NCOA2: variants seen among roughly 807,000 people sequenced by gnomAD.
The protein encoded by NCOA2 is nuclear receptor coactivator 2, also known as class E basic helix-loop-helix protein 75.
A neutral mutation model predicts 145.1 loss-of-function variants in NCOA2; 21 were observed. That is an observed-to-expected ratio of 0.14 (90% CI 0.10 to 0.21). The LOEUF is 0.21. Among genes scored for constraint, NCOA2 ranks in the 10% least tolerant of loss-of-function variants. The pLI is 1.00. For synonymous variants in NCOA2, 619 were observed against 637.5 expected, an observed-to-expected ratio of 0.97 and a Z score of 0.44; for missense variants, 1,472 against 1,837.6, an observed-to-expected ratio of 0.80 and a Z score of 3.64.
At chr8:70,218,502 C>T (rs1819859703) in intron 2 of NCOA2, among the ~76,000 whole-genome samples, 1 of 152,160 alleles carries the variant, frequency 6.6e-6, no homozygotes, top group African/African-American at 2.4e-5. Context: ...CATGTCCAAG[C>T]TTCACCACTT....
intron 2 of NCOA2, among the ~76,000 whole-genome samples, chr8:70,291,749 TTTTG>T (rs1452485598): frequency 5.9e-5 from 9 of 152,194 alleles, no homozygotes; most frequent in Admixed American, 5.9e-4. Flanking sequence ...AATGATAGCA[TTTTG>T]TTGTTGTTGC....
chr8:70,133,327 T>C (rs1809376326), intron 15 of NCOA2, among the ~76,000 whole-genome samples: 1 of 151,602 alleles, frequency 6.6e-6, no homozygotes, highest in Non-Finnish European at 1.5e-5. Flanking sequence ...AAGGAATCCT[T>C]CTACCTCAGC....
chr8:70,321,310 T>C (rs1324834725), intron 1 of NCOA2, among the ~76,000 whole-genome samples: 1 of 151,904 alleles, frequency 6.6e-6, no homozygotes, highest in Non-Finnish European at 1.5e-5. Flanking sequence ...ATTATATTCA[T>C]AAAATATAAC....
intron 1 of NCOA2, among the ~76,000 whole-genome samples, chr8:70,351,787 G>A (rs1292102581): frequency 2.2e-5 from 3 of 139,478 alleles, no homozygotes; most frequent in Admixed American, 7.4e-5. Context: ...TAGAGATAAA[G>A]TCTCACTATT....
the NCOA2 span, among the ~76,000 whole-genome samples, chr8:70,414,846 A>C: frequency 6.6e-6 from 1 of 152,226 alleles, no homozygotes; most frequent in Non-Finnish European, 1.5e-5. Flanking sequence ...GACACAACTA[A>C]TAGCCATTCA....
At chr8:70,231,062 C>T (rs546828335) in intron 2 of NCOA2, among the ~76,000 whole-genome samples, 9 of 152,086 alleles carry the variant, frequency 5.9e-5, no homozygotes, top group African/African-American at 2.2e-4. Flanking sequence ...TGATTATATA[C>T]CTACAATAGT....
intron 2 of NCOA2, among the ~76,000 whole-genome samples, chr8:70,234,221 A>G (rs1304191877): frequency 2.6e-5 from 4 of 152,196 alleles, no homozygotes; most frequent in Non-Finnish European, 5.9e-5. Context: ...CAAATATTCC[A>G]TTGTATAGCT....
intron 1 of NCOA2, among the ~76,000 whole-genome samples, chr8:70,356,792 CA>C (rs1809738043): frequency 6.6e-6 from 1 of 152,156 alleles, no homozygotes; most frequent in Admixed American, 6.5e-5. Flanking sequence ...GCTTTTACCT[CA>C]AAAGGTATTT....
In NCOA2 at chr8:70,229,341, C is replaced by A. The variant is rs933979507; in HGVS notation, c.-19-12577G>T. On this transcript the variant is annotated intron_variant, in intron 2 of 22. Transcript: ENST00000452400. ...GTATGGAATTAATTAACATACAAGA[C>A]AATATACATAAAAAATACAAAGTGC... 2.0e-5 allele frequency among the ~76,000 whole-genome samples: 3 copies of A among 152,250 alleles called. No homozygotes were observed. The East Asian group carries it at 5.8e-4, about 29-fold the overall frequency.
chr8:70,292,955 C>T (rs930782705), intron 2 of NCOA2, among the ~76,000 whole-genome samples: 1 of 152,170 alleles, frequency 6.6e-6, no homozygotes, highest in African/African-American at 2.4e-5. Context: ...GTCCGTTCTG[C>T]GTATTAAGTG....
At chr8:70,309,800 A>T (rs2135983476) in intron 1 of NCOA2, among the ~76,000 whole-genome samples, 1 of 152,132 alleles carries the variant, frequency 6.6e-6, no homozygotes, top group South Asian at 2.1e-4. Flanking sequence ...GAAATAAACA[A>T]GAAATTAGCT....
At chr8:70,377,764 G>A (rs1156511108) in intron 1 of NCOA2, among the ~76,000 whole-genome samples, 1 of 152,088 alleles carries the variant, frequency 6.6e-6, no homozygotes, top group African/African-American at 2.4e-5. Flanking sequence ...CATTAATTGA[G>A]CACCAAAAAT....
chr8:70,197,251 C>T (rs1229119783), intron 4 of NCOA2, among the ~76,000 whole-genome samples: 1 of 150,664 alleles, frequency 6.6e-6, no homozygotes, highest in Admixed American at 6.6e-5. Flanking sequence ...ATCCCACTTT[C>T]CTTTATATCA....
chr8:70,205,330 A>T (rs1818322882), intron 4 of NCOA2, among the ~76,000 whole-genome samples: 1 of 152,234 alleles, frequency 6.6e-6, no homozygotes, highest in South Asian at 2.1e-4. Flanking sequence ...ATCACACCAA[A>T]GTGAAAAAGC....
chr8:70,250,143 G>C (rs75514487), intron 2 of NCOA2, among the ~76,000 whole-genome samples: 1 of 151,716 alleles, frequency 6.6e-6, no homozygotes, highest in Non-Finnish European at 1.5e-5. Context: ...TGTAATCCCA[G>C]CACTTTGGGA....
intron 1 of NCOA2, among the ~76,000 whole-genome samples, chr8:70,336,156 G>A (rs527840282): frequency 2.4e-4 from 37 of 152,118 alleles, no homozygotes; most frequent in Non-Finnish European, 4.3e-4. Context: ...AGCATGGTAG[G>A]TTTGTTTATA....
intron 4 of NCOA2, among the ~76,000 whole-genome samples, chr8:70,187,111 T>G (rs1218634507): frequency 6.6e-6 from 1 of 152,124 alleles, no homozygotes; most frequent in East Asian, 1.9e-4. Context: ...ACTCAGAAAT[T>G]GACATGCCTC....
the NCOA2 span, among the ~76,000 whole-genome samples, chr8:70,415,233 G>A: frequency 6.6e-6 from 1 of 152,026 alleles, no homozygotes; most frequent in Non-Finnish European, 1.5e-5. Flanking sequence ...GAAGGCTGAG[G>A]TGTGAGGATC....
rs2131143730 is a variant in NCOA2, at chr8:70,113,653, A to ATTC, written c.4384-11_4384-10insGAA. The ATTC allele has an allele frequency of 6.4e-7, 1 of 1,551,702 alleles. No individual in the cohort carries two copies. The highest frequency in any genetic ancestry group is 8.7e-7 in the Non-Finnish European group (1 of 1,146,916). ...AGTGTCAGCAATATTTCTGTAGGAAAACAGATAAAAAGTTGTGAAACATCT... is the reference window on the plus strand; with the variant it reads ...AGTGTCAGCAATATTTCTGTAGGAAATTCACAGATAAAAAGTTGTGAAACATCT... On this transcript the variant is annotated splice_polypyrimidine_tract_variant and intron_variant, in intron 22 of 22. Transcript: ENST00000452400.
Sources: gnomAD v4.1 joint callset for allele counts (sites outside exome capture counted in the v4.1 genomes callset) on GRCh38, gnomAD v4.1.1 for gene constraint, MANE v1.5 for transcripts, NCBI Gene and HGNC (gene_info 2026-07-23, HGNC 2026-07-21) for gene names.